The following KALRN variants were observed in gnomAD, a reference collection of about 807,000 sequenced individuals.
KALRN encodes kalirin RhoGEF kinase, also known as kalirin.
Under a neutral mutation model 353.7 loss-of-function variants are expected in KALRN, and 70 were observed. The ratio of observed to expected loss-of-function variants is 0.20; its 90% CI spans 0.16 to 0.24. The LOEUF is 0.24. KALRN is among the 10% of genes least tolerant of loss of function. The pLI is 1.00. For missense variants in KALRN, 2,791 were observed against 3,756.7 expected (o/e 0.74, Z 6.72); for synonymous variants, 1,391 against 1,434.8 (o/e 0.97, Z 0.69).
At chr3:124,316,842 A>G (rs935832199) in intron 6 of KALRN, among the ~76,000 whole-genome samples, 2 of 152,242 alleles carry the variant, frequency 1.3e-5, no homozygotes, top group African/African-American at 2.4e-5. Flanking sequence ...GTATTGTTGA[A>G]TTAATCAATG....
At chr3:124,474,523 C>T (rs937721410) in intron 25 of KALRN, 140 bp from the exon 26 acceptor site, 1 of 649,336 alleles carries the variant, frequency 1.5e-6, no homozygotes, top group Non-Finnish European at 2.8e-6. Flanking sequence ...TTAAAAACTG[C>T]ACCTCACCAT....
chr3:124,630,748 A>C (rs2080678043), intron 34 of KALRN, among the ~76,000 whole-genome samples: 1 of 152,212 alleles, frequency 6.6e-6, no homozygotes, highest in South Asian at 2.1e-4. Context: ...TCCACATAAA[A>C]TGTTTAGGCT....
chr3:124,692,101 T>C (rs1425998889), intron 51 of KALRN, among the ~76,000 whole-genome samples: 1 of 152,186 alleles, frequency 6.6e-6, no homozygotes, highest in East Asian at 1.9e-4. Flanking sequence ...AAAATCCCAA[T>C]GCCCAGGCCC....
At chr3:124,466,589 A>G (rs1203200875) in intron 25 of KALRN, among the ~76,000 whole-genome samples, 2 of 152,084 alleles carry the variant, frequency 1.3e-5, no homozygotes, top group East Asian at 3.9e-4. Context: ...GGTTTTTTGG[A>G]GATAGGGTCA....
At chr3:124,483,862 G>A (rs557373878) in intron 28 of KALRN, among the ~76,000 whole-genome samples, 1 of 152,242 alleles carries the variant, frequency 6.6e-6, no homozygotes, top group African/African-American at 2.4e-5. Flanking sequence ...GTTCATCCTT[G>A]TCATATAAGA....
Position 124,490,878 on chromosome 3 carries a change from G to C in KALRN, c.4581G>C (p.Lys1527Asn). 6.2e-7 allele frequency: 1 copy of C among 1,609,326 alleles called. No homozygotes were observed. Among genetic ancestry groups the C allele is most frequent in the Non-Finnish European group, 8.5e-7 (1 of 1,177,754 alleles). The change falls in exon 30 of 60, where the codon AAG (lysine) becomes AAC (asparagine). Residue 1527 changes from lysine (K) to asparagine (N), a missense_variant. This residue lies in a region of KALRN where 239 missense variants were observed against 351.3 expected (regional missense o/e 0.68). Coordinates refer to ENST00000682506, the MANE Select transcript of KALRN (RefSeq NM_001388419.1). ...ACACGAAATATGTTTACAAGAACAA[G>C]CTACTGGTAGGTGGGGCAGGTGGGG... Reference protein sequence around the residue: ...SGHTKYVYKNKLLTSELGVTE... With the variant: ...SGHTKYVYKNNLLTSELGVTE...
chr3:124,705,243 C>A (rs1395818901), intron 57 of KALRN, among the ~76,000 whole-genome samples: 3 of 152,196 alleles, frequency 2.0e-5, no homozygotes, highest in African/African-American at 7.2e-5. Context: ...ATCTTCACTT[C>A]TTCCTAAACT....
At chr3:124,564,130 G>A (rs993316855) in intron 34 of KALRN, among the ~76,000 whole-genome samples, 8 of 149,402 alleles carry the variant, frequency 5.4e-5, no homozygotes, top group South Asian at 4.2e-4. Flanking sequence ...GCGTGAACCC[G>A]GGAGGCGGAG....
chr3:124,585,134 G>A (rs1035772987), intron 34 of KALRN, among the ~76,000 whole-genome samples: 1 of 152,204 alleles, frequency 6.6e-6, no homozygotes, highest in Non-Finnish European at 1.5e-5. Flanking sequence ...ACTTGGATGC[G>A]GAGCTGCTGT....
At chr3:124,492,678 A>G in intron 31 of KALRN, 62 bp from the exon 32 acceptor site, 4 of 1,554,740 alleles carry the variant, frequency 2.6e-6, no homozygotes, top group Non-Finnish European at 3.5e-6. Flanking sequence ...GAGGGTTGAG[A>G]ACTGTTTTTG....
chr3:124,480,260 C>A (rs867496041), intron 27 of KALRN, among the ~76,000 whole-genome samples: 3 of 152,170 alleles, frequency 2.0e-5, no homozygotes, highest in African/African-American at 7.2e-5. Flanking sequence ...TGCCCATCAT[C>A]CTCAAACAAG....
intron 35 of KALRN, among the ~76,000 whole-genome samples, chr3:124,633,165 C>T (rs758793359): frequency 6.6e-5 from 10 of 152,154 alleles, no homozygotes; most frequent in Non-Finnish European, 1.0e-4. Flanking sequence ...CTATGATGAA[C>T]AGATGAAGAT....
At chr3:124,247,387 A>G (rs77818851) in intron 3 of KALRN, among the ~76,000 whole-genome samples, 3,428 of 152,340 alleles carry the variant, frequency 0.023, 145 homozygotes, top group African/African-American at 0.079. Context: ...GTTTGATACA[A>G]TCTTTCTCAA....
At chr3:124,243,645 GA>G (rs1175899008) in intron 3 of KALRN, among the ~76,000 whole-genome samples, 1 of 152,142 alleles carries the variant, frequency 6.6e-6, no homozygotes, top group Non-Finnish European at 1.5e-5. Context: ...GGGCTGCAGG[GA>G]AAAATGCTGA....
At chr3:124,574,708 A>C (rs2073910995) in intron 34 of KALRN, among the ~76,000 whole-genome samples, 1 of 152,252 alleles carries the variant, frequency 6.6e-6, no homozygotes, top group Non-Finnish European at 1.5e-5. Context: ...TAAGCTGAAC[A>C]CTTTCCCCCT....
intron 13 of KALRN, among the ~76,000 whole-genome samples, chr3:124,407,024 G>A (rs1019347180): frequency 1.3e-5 from 2 of 151,742 alleles, no homozygotes; most frequent in Non-Finnish European, 2.9e-5. Context: ...AGTAGAGATG[G>A]GGTTTCACCA....
At chr3:124,089,497 T>C (rs1175024436) in intron 1 of KALRN, among the ~76,000 whole-genome samples, 1 of 151,952 alleles carries the variant, frequency 6.6e-6, no homozygotes, top group Non-Finnish European at 1.5e-5. Flanking sequence ...TCTCCTTTGA[T>C]AGGCAGAGAA....
At chr3:124,432,150 G>A (rs1008462674) in intron 16 of KALRN, among the ~76,000 whole-genome samples, 1 of 152,132 alleles carries the variant, frequency 6.6e-6, no homozygotes, top group African/African-American at 2.4e-5. Flanking sequence ...TGGTTCACAT[G>A]TGTAATCCCA....
At chr3:124,375,237 G>A (rs1320537424) in intron 10 of KALRN, among the ~76,000 whole-genome samples, 1 of 152,154 alleles carries the variant, frequency 6.6e-6, no homozygotes, top group Non-Finnish European at 1.5e-5. Flanking sequence ...GGGAAAAGGA[G>A]GAAGCCTTCC....
Sources: allele counts gnomAD v4.1 joint callset (sites outside exome capture counted in the v4.1 genomes callset), GRCh38; gene constraint gnomAD v4.1.1; regional missense constraint gnomAD v4.1.1; transcripts MANE v1.5; gene names NCBI Gene and HGNC (gene_info 2026-07-23, HGNC 2026-07-21).